RBFOX1: variants seen among roughly 807,000 people sequenced by gnomAD.
RBFOX1 encodes RNA binding fox-1 homolog 1.
Under a neutral mutation model 57.7 loss-of-function variants are expected in RBFOX1, and 8 were observed. The ratio of observed to expected loss-of-function variants is 0.14; its 90% CI spans 0.08 to 0.25. RBFOX1 has a LOEUF of 0.25. Among genes scored for constraint, RBFOX1 ranks in the 10% least tolerant of loss-of-function variants. The probability of loss-of-function intolerance (pLI) is 1.00; values close to 1 mark genes in which losing one functional copy is unlikely to be tolerated. For missense variants in RBFOX1, 611 were observed against 548.5 expected (o/e 1.11, Z -1.14); for synonymous variants, 326 against 222.4 (o/e 1.47, Z -4.15).
intron 1 of RBFOX1, among the ~76,000 whole-genome samples, chr16:5,442,600 G>T (rs531412580): frequency 1.6e-4 from 24 of 152,312 alleles, no homozygotes; most frequent in Admixed American, 1.0e-3. Context: ...TTTCCAGGAG[G>T]AGGATGCAGC....
chr16:5,699,601 T>C (rs2050964861), intron 3 of RBFOX1, among the ~76,000 whole-genome samples: 1 of 151,942 alleles, frequency 6.6e-6, no homozygotes, highest in African/African-American at 2.4e-5. Context: ...TTAAGAGACA[T>C]TTTTGGTTGT....
At chr16:5,475,748 A>G (rs966867441) in intron 2 of RBFOX1, among the ~76,000 whole-genome samples, 1 of 152,214 alleles carries the variant, frequency 6.6e-6, no homozygotes, top group Non-Finnish European at 1.5e-5. Context: ...CTACAGCCAC[A>G]TATCTGAGGA....
chr16:7,510,324 T>A (rs1232407680), intron 4 of RBFOX1: 1 of 985,762 alleles, frequency 1.0e-6, no homozygotes, highest in Non-Finnish European at 1.2e-6. Flanking sequence ...TATTTTTGTT[T>A]TTTTTTCCAT....
chr16:7,183,427 A>C (rs934319319), intron 4 of RBFOX1, among the ~76,000 whole-genome samples: 1 of 152,224 alleles, frequency 6.6e-6, no homozygotes, highest in Non-Finnish European at 1.5e-5. Context: ...AAGTATCCTG[A>C]ACGAAAGTGT....
chr16:6,386,846 G>A lies in RBFOX1; in HGVS notation c.-64+69789G>A, dbSNP rs1006144427. ...ATGATCAAGGGGCCAGATAGGGCTG[G>A]GAGGAAGGGAAGTATGGGTGGTGAG... On this transcript the variant is annotated intron_variant, in intron 2 of 15. Transcript: ENST00000550418. 5.3e-5 allele frequency among the ~76,000 whole-genome samples: 8 copies of A among 152,302 alleles called. No homozygotes were observed. The East Asian group carries it at 1.4e-3, about 26-fold the overall frequency.
intron 6 of RBFOX1, 89 bp from the exon 7 acceptor site, chr16:7,587,158 A>G: frequency 7.6e-7 from 1 of 1,309,326 alleles, no homozygotes; most frequent in Non-Finnish European, 9.8e-7. Context: ...AAAGAGAAAA[A>G]AATGGACGTG....
chr16:5,758,460 C>G (rs1252879388), intron 3 of RBFOX1, among the ~76,000 whole-genome samples: 2 of 152,106 alleles, frequency 1.3e-5, no homozygotes, highest in African/African-American at 2.4e-5. Context: ...GCAATTAACC[C>G]CAAAGCGCAG....
rs576095160 is a variant in RBFOX1, at chr16:6,801,972, T to G, written c.-16+147322T>G. On this transcript the variant is annotated intron_variant, in intron 3 of 15. Transcript: ENST00000550418. ...AAATGGGTCTAGGTGCTGGGGTGAT[T>G]ACCCTTATCTTGTCTCGTGCTAATC... Among the ~76,000 whole-genome samples the G allele has an allele frequency of 2.0e-5, 3 of 152,210 alleles. No individual in the cohort carries two copies. The South Asian group carries it at 6.2e-4, about 32-fold the overall frequency.
intron 4 of RBFOX1, among the ~76,000 whole-genome samples, chr16:5,891,022 T>G (rs1238940626): frequency 6.6e-6 from 1 of 152,190 alleles, no homozygotes; most frequent in African/African-American, 2.4e-5. Flanking sequence ...GAGCATTTGG[T>G]GAGAAGATGC....
At chr16:5,963,086 G>A (rs1056186176) in intron 4 of RBFOX1, among the ~76,000 whole-genome samples, 3 of 152,174 alleles carry the variant, frequency 2.0e-5, no homozygotes, top group Non-Finnish European at 2.9e-5. Context: ...ATTTGAAAAT[G>A]TATTTTTATG....
At chr16:5,683,389 T>C (rs2050405264) in intron 3 of RBFOX1, among the ~76,000 whole-genome samples, 2 of 152,030 alleles carry the variant, frequency 1.3e-5, no homozygotes, top group African/African-American at 4.8e-5. Context: ...CTTGATTGGA[T>C]TGAGGCATAC....
intron 4 of RBFOX1, among the ~76,000 whole-genome samples, chr16:7,219,353 G>A (rs2092539593): frequency 6.6e-6 from 1 of 152,198 alleles, no homozygotes; most frequent in African/African-American, 2.4e-5. Context: ...AGCTGAATAA[G>A]TCAGAAAGGA....
chr16:6,860,879 A>G (rs958109325), intron 3 of RBFOX1, among the ~76,000 whole-genome samples: 1 of 152,194 alleles, frequency 6.6e-6, no homozygotes, highest in Non-Finnish European at 1.5e-5. Context: ...ATTCAAAAAT[A>G]GATATTCCAA....
At chr16:6,798,850 A>T (rs931275794) in intron 3 of RBFOX1, among the ~76,000 whole-genome samples, 11 of 152,158 alleles carry the variant, frequency 7.2e-5, no homozygotes, top group African/African-American at 2.7e-4. Flanking sequence ...GGGGAGTGTA[A>T]TTCAATCTGC....
chr16:5,370,265 C>T (rs895968382), intron 1 of RBFOX1, among the ~76,000 whole-genome samples: 11 of 152,104 alleles, frequency 7.2e-5, no homozygotes, highest in Non-Finnish European at 1.6e-4. Context: ...GCACAACAGA[C>T]TTGTAACAGA....
At chr16:6,678,970 C>A (rs116690912) in intron 3 of RBFOX1, among the ~76,000 whole-genome samples, 4,179 of 152,202 alleles carry the variant, frequency 0.027, 194 homozygotes, top group African/African-American at 0.095. Context: ...TACAGTGAGA[C>A]TCTAATTTCT....
intron 4 of RBFOX1, among the ~76,000 whole-genome samples, chr16:5,981,925 C>T (rs2060182186): frequency 6.6e-6 from 1 of 152,206 alleles, no homozygotes; most frequent in South Asian, 2.1e-4. Flanking sequence ...TAGTGCACCC[C>T]CTCACCACAA....
At chr16:6,349,772 A>G (rs903724052) in intron 2 of RBFOX1, among the ~76,000 whole-genome samples, 3 of 152,216 alleles carry the variant, frequency 2.0e-5, no homozygotes, top group African/African-American at 7.2e-5. Context: ...GGAGGGTTGG[A>G]TATCTTCTCC....
At position 7,422,018 on chromosome 16, in the gene RBFOX1, G is replaced by T. The variant is rs140911235; in HGVS notation, c.28-96129G>T. On this transcript the variant is annotated intron_variant, in intron 4 of 15. Coordinates refer to ENST00000550418, the MANE Select transcript of RBFOX1 (RefSeq NM_018723.4). ...GAATAAAAACCCTCAGAGGCTCTGA[G>T]TGATAAAGGAAACACAGTCTCAGTT... Among the ~76,000 whole-genome samples the T allele has an allele frequency of 2.8e-4, 42 of 152,306 alleles. No individual in the cohort carries two copies. The Middle Eastern group carries it at 0.017, about 62-fold the overall frequency.
Sources: allele counts gnomAD v4.1 joint callset (sites outside exome capture counted in the v4.1 genomes callset), GRCh38; gene constraint gnomAD v4.1.1; transcripts MANE v1.5; gene names NCBI Gene and HGNC (gene_info 2026-07-23, HGNC 2026-07-21).